Variants in CADPS2 observed in about 807,000 individuals in gnomAD.
The protein encoded by CADPS2 is calcium dependent secretion activator 2.
In CADPS2, 93 loss-of-function variants were observed where a neutral mutation model predicts 172.5. The ratio of observed to expected loss-of-function variants is 0.54; its 90% CI spans 0.46 to 0.64. The LOEUF is 0.64. CADPS2 is among the 30% of genes least tolerant of loss of function. The pLI is 0.00. For missense variants in CADPS2, 1,420 were observed against 1,565.9 expected (o/e 0.91, Z 1.57); for synonymous variants, 546 against 555.2 (o/e 0.98, Z 0.23).
chr7:122,847,220 G>A (rs762005463), intron 1 of CADPS2, among the ~76,000 whole-genome samples: 6 of 152,114 alleles, frequency 3.9e-5, no homozygotes, highest in South Asian at 2.1e-4. Context: ...TCAAGTAGCT[G>A]GGACTACAGG....
intron 1 of CADPS2, among the ~76,000 whole-genome samples, chr7:122,747,136 G>A (rs942399830): frequency 6.6e-6 from 1 of 152,084 alleles, no homozygotes; most frequent in Non-Finnish European, 1.5e-5. Context: ...TGGAGGCAGA[G>A]AGTTGAAGAG....
At chr7:122,355,620 T>C (rs1428014531) in intron 27 of CADPS2, among the ~76,000 whole-genome samples, 2 of 151,986 alleles carry the variant, frequency 1.3e-5, no homozygotes, top group African/African-American at 2.4e-5. Flanking sequence ...GACGGTATTA[T>C]AAGAAGGTAT....
In CADPS2 at chr7:122,474,381, C is replaced by A. The variant is rs1275775741; in HGVS notation, c.1998G>T (p.Leu666Phe). The A allele has an allele frequency of 6.2e-7, 1 of 1,613,024 alleles. No individual in the cohort carries two copies. Reference sequence around the variant, plus strand: ...GGGGACTAGATAGACTTGTACTCACCAAGCAAGAATAGGAATCATTCAGTC... The same window carrying A: ...GGGGACTAGATAGACTTGTACTCACAAAGCAAGAATAGGAATCATTCAGTC... Reference protein sequence around the residue: ...DHRLNDSYSCLGWFSPGQVFV... With the variant: ...DHRLNDSYSCFGWFSPGQVFV... Residue 666 changes from leucine (L) to phenylalanine (F), a missense_variant and splice_region_variant, in exon 13 of 30, where the codon TTG becomes TTT. Transcript: ENST00000449022.
chr7:122,882,422 AAAAGAGCAGTG>A (rs1823160201), intron 1 of CADPS2, among the ~76,000 whole-genome samples: 2 of 152,142 alleles, frequency 1.3e-5, no homozygotes, highest in Non-Finnish European at 2.9e-5. Context: ...TCAAATAATG[AAAAGAGCAGTG>A]ACTAGAAACC....
At chr7:122,769,778 C>T (rs1445063891) in intron 1 of CADPS2, among the ~76,000 whole-genome samples, 1 of 152,090 alleles carries the variant, frequency 6.6e-6, no homozygotes, top group East Asian at 1.9e-4. Flanking sequence ...TTGAACCTAC[C>T]AATTGTTGAC....
At chr7:122,702,017 T>C in intron 2 of CADPS2, 3 of 1,613,688 alleles carry the variant, frequency 1.9e-6, no homozygotes, top group Non-Finnish European at 2.5e-6. Flanking sequence ...ATCCCCTTCT[T>C]TGAGAACTCG....
intron 2 of CADPS2, among the ~76,000 whole-genome samples, chr7:122,669,246 G>A (rs1336106604): frequency 2.6e-5 from 4 of 151,752 alleles, no homozygotes; most frequent in Admixed American, 6.6e-5. Context: ...TGGGAAGATC[G>A]CTCAATCCCA....
chr7:122,729,815 T>C (rs1442890351), intron 2 of CADPS2, among the ~76,000 whole-genome samples: 1 of 151,570 alleles, frequency 6.6e-6, no homozygotes, highest in Non-Finnish European at 1.5e-5. Context: ...TAATCAGCTC[T>C]TGAGGAGAAC....
intron 2 of CADPS2, among the ~76,000 whole-genome samples, chr7:122,726,388 T>C (rs989076199): frequency 6.6e-6 from 1 of 152,042 alleles, no homozygotes; most frequent in African/African-American, 2.4e-5. Context: ...TAATGTTCCA[T>C]GCTTTCCAAA....
At chr7:122,333,889 T>A (rs375488164) in intron 28 of CADPS2, among the ~76,000 whole-genome samples, 3 of 149,092 alleles carry the variant, frequency 2.0e-5, no homozygotes, top group Admixed American at 6.7e-5. Context: ...AAATATAAAT[T>A]TATATATATA....
At chr7:122,838,964 T>C (rs549367328) in intron 1 of CADPS2, among the ~76,000 whole-genome samples, 9 of 152,300 alleles carry the variant, frequency 5.9e-5, no homozygotes, top group African/African-American at 2.2e-4. Flanking sequence ...AGAGCCTGTA[T>C]TGCCAAGACA....
intron 1 of CADPS2, among the ~76,000 whole-genome samples, chr7:122,815,370 A>G (rs1265353019): frequency 6.6e-6 from 1 of 152,192 alleles, no homozygotes; most frequent in Non-Finnish European, 1.5e-5. Context: ...TATTCAAATG[A>G]TACTGCTTTT....
chr7:122,763,567 TAA>T (rs918324969), intron 1 of CADPS2, among the ~76,000 whole-genome samples: 2 of 152,228 alleles, frequency 1.3e-5, no homozygotes, highest in African/African-American at 4.8e-5. Flanking sequence ...ATAAACATTC[TAA>T]AGGTAAACTC....
At chr7:122,669,152 G>A (rs890864907) in intron 2 of CADPS2, among the ~76,000 whole-genome samples, 3 of 151,930 alleles carry the variant, frequency 2.0e-5, no homozygotes, top group Admixed American at 6.6e-5. Context: ...GAAACATGGC[G>A]AAACCCTGCT....
At chr7:122,401,389 C>A (rs962013323) in intron 20 of CADPS2, among the ~76,000 whole-genome samples, 1 of 152,158 alleles carries the variant, frequency 6.6e-6, no homozygotes, top group Non-Finnish European at 1.5e-5. Flanking sequence ...TTGCCACTTG[C>A]TAGCATATCC....
chr7:122,701,927 G>C (rs770832535), intron 2 of CADPS2: 1 of 1,613,576 alleles, frequency 6.2e-7, no homozygotes, highest in Non-Finnish European at 8.5e-7. Context: ...ATGTTTGCAA[G>C]TTAAAATGCG....
At chr7:122,463,074 A>C (rs2054663850) in intron 14 of CADPS2, among the ~76,000 whole-genome samples, 1 of 152,222 alleles carries the variant, frequency 6.6e-6, no homozygotes, top group African/African-American at 2.4e-5. Context: ...CCACAGATCA[A>C]ACAGGCAAGA....
chr7:122,437,128 G>T (rs2050735018), intron 17 of CADPS2, among the ~76,000 whole-genome samples: 1 of 152,066 alleles, frequency 6.6e-6, no homozygotes. Flanking sequence ...ATTTGAATGA[G>T]TATTTAAGAC....
chr7:122,550,865 A>C (rs1208571758), intron 8 of CADPS2, among the ~76,000 whole-genome samples: 1 of 152,164 alleles, frequency 6.6e-6, no homozygotes, highest in Admixed American at 6.5e-5. Context: ...AGATTTATCT[A>C]AGGGTTAGTT....
Sources: allele counts gnomAD v4.1 joint callset (sites outside exome capture counted in the v4.1 genomes callset), GRCh38; gene constraint gnomAD v4.1.1; transcripts MANE v1.5; gene names NCBI Gene and HGNC (gene_info 2026-07-23, HGNC 2026-07-21).